Variants in CAMLG observed in about 807,000 individuals in gnomAD.
CAMLG encodes the protein calcium modulating ligand, also known as guided entry of tail-anchored proteins factor CAMLG.
In CAMLG, 23 loss-of-function variants were observed where a neutral mutation model predicts 28.9. That is an observed-to-expected ratio of 0.80 (90% confidence interval 0.57 to 1.13). The LOEUF (loss-of-function observed/expected upper bound fraction) is 1.13. Ranked by LOEUF, CAMLG falls within the 50% of genes most tolerant of loss-of-function variation. The probability of loss-of-function intolerance (pLI) is 0.00; values close to 1 mark genes in which losing one functional copy is unlikely to be tolerated. For synonymous variants in CAMLG, 141 were observed against 146.5 expected (o/e 0.96, Z 0.27); for missense variants, 367 against 371.9 (o/e 0.99, Z 0.11).
intron 2 of CAMLG, among the ~76,000 whole-genome samples, chr5:134,742,700 T>C (rs781402069): frequency 2.7e-4 from 41 of 152,166 alleles, no homozygotes; most frequent in Non-Finnish European, 4.6e-4. Flanking sequence ...GGCACATAAA[T>C]ATCCAGATAA....
chr5:134,739,176 T>A (rs2150120326), intron 1 of CAMLG, among the ~76,000 whole-genome samples: 1 of 152,308 alleles, frequency 6.6e-6, no homozygotes, highest in East Asian at 1.9e-4. Flanking sequence ...TTCTTAAGGT[T>A]CCAAGTGCTT....
At chr5:134,743,949 A>T (rs766508298) in intron 2 of CAMLG, 38 bp from the exon 3 acceptor site, 5 of 889,476 alleles carry the variant, frequency 5.6e-6, no homozygotes, top group Non-Finnish European at 9.1e-6. Flanking sequence ...TTGAATGATT[A>T]TGTTGGAAAT....
At chr5:134,739,774 A>C (rs1431299786) in intron 1 of CAMLG, among the ~76,000 whole-genome samples, 1 of 152,228 alleles carries the variant, frequency 6.6e-6, no homozygotes, top group East Asian at 1.9e-4. Context: ...AATAGAAGAA[A>C]CATTTTTCTA....
At chr5:134,740,688 C>CCG (rs1004406405) in intron 1 of CAMLG, among the ~76,000 whole-genome samples, 1 of 152,174 alleles carries the variant, frequency 6.6e-6, no homozygotes, top group Non-Finnish European at 1.5e-5. Flanking sequence ...CTCCTCCCCC[C>CCG]GGGTTTCAAG....
At position 134,751,058 on chromosome 5, in the gene CAMLG, T is replaced by C. The variant is rs549210222; in HGVS notation, c.*108T>C. On this transcript the variant is annotated 3_prime_UTR_variant, in exon 4 of 4. Transcript: ENST00000297156. ...GGTTTACACCTTCATGTAATTCTTT[T>C]ACTTTAGGGGTTGTAAAGCTACTTT... The C allele has an allele frequency of 6.9e-6, 5 of 722,630 alleles. No homozygotes were observed. The South Asian group carries it at 1.0e-4, about 15-fold the overall frequency. 44.8% of individuals were successfully genotyped at this position (722,630 alleles called of 1,614,324 possible). A position where few individuals can be genotyped will look rare whatever the true frequency, so the allele number is the denominator to read the frequency against.
In CAMLG at chr5:134,751,507, T is replaced by G. The variant is rs563015594; in HGVS notation, c.*557T>G. ...AAATTGGAAGGTATTTATAAAATTT[T>G]TATTGCTGTATACCAAACTCAGAAT... On this transcript the variant is annotated 3_prime_UTR_variant, in exon 4 of 4. Transcript: ENST00000297156. 1 of 152,314 alleles carries G rather than the reference T, an allele frequency of 6.6e-6. No homozygotes were observed. Among genetic ancestry groups the G allele is most frequent in the South Asian group, 2.1e-4 (1 of 4,820 alleles). 9.4% of individuals were successfully genotyped at this position (152,314 alleles called of 1,614,324 possible). A position where few individuals can be genotyped will look rare whatever the true frequency, so the allele number is the denominator to read the frequency against.
intron 1 of CAMLG, 88 bp from the exon 2 acceptor site, chr5:134,740,975 G>T: frequency 1.2e-6 from 1 of 835,980 alleles, no homozygotes; most frequent in Non-Finnish European, 1.9e-6. Flanking sequence ...CTGAGTTCTA[G>T]CTGCAACAGC....
intron 3 of CAMLG, among the ~76,000 whole-genome samples, chr5:134,744,716 G>A (rs1356931372): frequency 6.6e-6 from 1 of 151,982 alleles, no homozygotes; most frequent in Non-Finnish European, 1.5e-5. Flanking sequence ...CTATAATAAA[G>A]GAAATTAATT....
At position 134,738,671 on chromosome 5, in the gene CAMLG, A is replaced by C; in HGVS notation, c.51A>C (p.Pro17=). The C allele has an allele frequency of 6.2e-7, 1 of 1,613,584 alleles. No individual in the cohort carries two copies. Among genetic ancestry groups the C allele is most frequent in the East Asian group, 2.2e-5 (1 of 44,838 alleles). The change falls in exon 1 of 4, where the codon CCA becomes CCC. Residue 17 remains proline, a synonymous_variant. Transcript: ENST00000297156. ...ATDGGERPGV[P]AGSGLSASQR... ...ACGGCGGGGAGAGGCCGGGGGTCCC[A>C]GCGGGCTCAGGTCTGTCGGCTTCCC...
chr5:134,738,908 T>C, intron 1 of CAMLG, 116 bp downstream of exon 1: 1 of 1,005,772 alleles, frequency 9.9e-7, no homozygotes, highest in Non-Finnish European at 1.5e-6. Context: ...GCTCTTTGAT[T>C]TCCTCTCTGT....
chr5:134,742,725 A>G (rs1382998545), intron 2 of CAMLG, among the ~76,000 whole-genome samples: 1 of 152,080 alleles, frequency 6.6e-6, no homozygotes, highest in East Asian at 1.9e-4. Flanking sequence ...AGTTTATATC[A>G]TTAAGCAAAA....
At chr5:134,743,245 A>G (rs1373727646) in intron 2 of CAMLG, among the ~76,000 whole-genome samples, 1 of 152,136 alleles carries the variant, frequency 6.6e-6, no homozygotes, top group Non-Finnish European at 1.5e-5. Context: ...ATGTTACCGC[A>G]TCTGTGTTAC....
In CAMLG at chr5:134,741,169, A is replaced by G. The variant is rs776535781; in HGVS notation, c.279A>G (p.Thr93=). The part of the protein sequence containing the change: ...KRVVLGDSVS[T]GTTDQQGGVA... ...TAGTGCTGGGTGATTCAGTCAGTAC[A>G]GGAACAACTGACCAGCAGGGTGGTG... The change falls in exon 2 of 4, where the codon ACA becomes ACG. Residue 93 remains threonine (T), a synonymous_variant. Transcript: ENST00000297156. 1.2e-6 allele frequency: 2 copies of G among 1,613,910 alleles called. No individual in the cohort carries two copies. Among genetic ancestry groups the G allele is most frequent in the African/African-American group, 1.3e-5 (1 of 74,938 alleles).
chr5:134,742,864 G>A (rs953626819), intron 2 of CAMLG, among the ~76,000 whole-genome samples: 2 of 151,722 alleles, frequency 1.3e-5, no homozygotes, highest in Non-Finnish European at 2.9e-5. Flanking sequence ...TTAGCCTCCC[G>A]AGTAGCTGGG....
At chr5:134,750,715 C>G in intron 3 of CAMLG, 44 bp from the exon 4 acceptor site, 1 of 1,388,450 alleles carries the variant, frequency 7.2e-7, no homozygotes, top group Non-Finnish European at 1.0e-6. Flanking sequence ...CTTAATGTAG[C>G]CTGCTGAAAC....
intron 3 of CAMLG, among the ~76,000 whole-genome samples, chr5:134,746,569 C>G (rs1297683253): frequency 2.0e-5 from 3 of 152,030 alleles, no homozygotes; most frequent in Non-Finnish European, 2.9e-5. Flanking sequence ...GCAGCCTCCG[C>G]CTCCTGTGTT....
Position 134,741,234 on chromosome 5 carries a change from A to C in CAMLG, c.344A>C (p.Asp115Ala), listed in dbSNP as rs200289909. Residue 115 changes from aspartate to alanine, a missense_variant, in exon 2 of 4, where the codon GAC (aspartate) becomes GCC (alanine). By Grantham distance (126) the Asp-to-Ala change is moderately radical. Transcript: ENST00000297156. Reference sequence around the variant, plus strand: ...GGGACCCAACTGGGAGACAAATTGGACTCGTTCATTAAACCACCTGAGTGC... The same window carrying C: ...GGGACCCAACTGGGAGACAAATTGGCCTCGTTCATTAAACCACCTGAGTGC... Reference protein sequence around the residue: ...VKGTQLGDKLDSFIKPPECSS... With the variant: ...VKGTQLGDKLASFIKPPECSS... 3 of 1,613,936 alleles carry C rather than the reference A, an allele frequency of 1.9e-6. No individual in the cohort carries two copies. The highest frequency in any genetic ancestry group is 2.5e-6 in the Non-Finnish European group (3 of 1,180,028).
In CAMLG at chr5:134,750,980, C is replaced by CAA. The variant is rs748014093; in HGVS notation, c.*42_*43dup. The stretch of plus-strand genomic sequence containing the variant: ...TGTAGAACTGAGAAGGAGAAGCTTA[C>CAA]AAAAAAAAAAAAATCCTCTTCTATA... On this transcript the variant is annotated 3_prime_UTR_variant, in exon 4 of 4. Coordinates refer to ENST00000297156, the MANE Select transcript of CAMLG (RefSeq NM_001745.4). The CAA allele has an allele frequency of 6.3e-4, 709 of 1,134,282 alleles. No homozygotes were observed. The highest frequency in any genetic ancestry group is 6.9e-4 in the Non-Finnish European group (583 of 839,780). 70.3% of individuals were successfully genotyped at this position (1,134,282 alleles called of 1,614,324 possible).
chr5:134,744,950 A>G (rs1227515838), intron 3 of CAMLG, among the ~76,000 whole-genome samples: 1 of 152,186 alleles, frequency 6.6e-6, no homozygotes, highest in Non-Finnish European at 1.5e-5. Flanking sequence ...AACTAGTGTG[A>G]TCGAATTTTG....
Sources: allele counts gnomAD v4.1 joint callset (sites outside exome capture counted in the v4.1 genomes callset), GRCh38; gene constraint gnomAD v4.1.1; transcripts MANE v1.5; gene names NCBI Gene and HGNC (gene_info 2026-07-23, HGNC 2026-07-21).